Variants in CNTN5 observed in about 807,000 individuals in gnomAD.
CNTN5 encodes contactin-5.
CNTN5 carries 77 observed loss-of-function variants against 129.1 expected under a neutral mutation model. The observed-to-expected ratio is 0.60, with a 90% CI of 0.50 to 0.72. CNTN5 has a LOEUF of 0.72. CNTN5 is among the 30% of genes least tolerant of loss of function. The probability of loss-of-function intolerance (pLI) is 0.00; values close to 1 mark genes in which losing one functional copy is unlikely to be tolerated. For synonymous variants in CNTN5, 509 were observed against 465.6 expected (o/e 1.09, Z -1.20); for missense variants, 1,478 against 1,328.8 (o/e 1.11, Z -1.75).
chr11:100,337,507 AC>A, intron 21 of CNTN5: 1 of 740,852 alleles, frequency 1.3e-6, no homozygotes, highest in Non-Finnish European at 2.5e-6. Flanking sequence ...GATCTCAAGA[AC>A]CAGCTCAAAC....
intron 6 of CNTN5, among the ~76,000 whole-genome samples, chr11:99,888,225 A>G (rs753357512): frequency 3.9e-5 from 6 of 152,118 alleles, no homozygotes; most frequent in Admixed American, 6.5e-5. Context: ...TTACTCTTCT[A>G]TTTTCCTGAA....
At chr11:99,937,487 G>A (rs1231316383) in intron 7 of CNTN5, among the ~76,000 whole-genome samples, 1 of 152,202 alleles carries the variant, frequency 6.6e-6, no homozygotes, top group East Asian at 1.9e-4. Flanking sequence ...AGCACAGTCT[G>A]AATGCAGGCA....
intron 2 of CNTN5, among the ~76,000 whole-genome samples, chr11:99,543,198 A>G (rs1041409162): frequency 1.3e-5 from 2 of 152,320 alleles, no homozygotes; most frequent in African/African-American, 4.8e-5. Flanking sequence ...TCTGCATTCA[A>G]ACCTTGAAAT....
intron 7 of CNTN5, among the ~76,000 whole-genome samples, chr11:99,918,760 T>C (rs1442878177): frequency 6.6e-6 from 1 of 152,192 alleles, no homozygotes; most frequent in Admixed American, 6.6e-5. Flanking sequence ...TCAGCATCCC[T>C]GTTCTTCGTC....
chr11:99,415,625 G>C (rs2656220), intron 2 of CNTN5, among the ~76,000 whole-genome samples: 18,512 of 152,110 alleles, frequency 0.12, 1,231 homozygotes, highest in Non-Finnish European at 0.16. Flanking sequence ...GATTCTAGTT[G>C]TTTCTATGGC....
intron 9 of CNTN5, among the ~76,000 whole-genome samples, 165 bp downstream of exon 9, chr11:100,002,301 C>A (rs1022040417): frequency 6.6e-6 from 1 of 151,606 alleles, no homozygotes; most frequent in South Asian, 2.1e-4. Context: ...TAATCAGTTA[C>A]AGTTATCTTC....
At chr11:99,793,834 T>G (rs1021625883) in intron 3 of CNTN5, among the ~76,000 whole-genome samples, 3 of 152,210 alleles carry the variant, frequency 2.0e-5, no homozygotes, top group Non-Finnish European at 4.4e-5. Context: ...TTATGAATTA[T>G]TTTTGGTCCA....
At chr11:99,578,164 T>G (rs558499779) in intron 3 of CNTN5, among the ~76,000 whole-genome samples, 87 of 152,200 alleles carry the variant, frequency 5.7e-4, no homozygotes, top group African/African-American at 2.0e-3. Flanking sequence ...GAACTCATCC[T>G]TTTTCATGGC....
chr11:99,687,639 C>A (rs891128097), intron 3 of CNTN5, among the ~76,000 whole-genome samples: 16 of 152,074 alleles, frequency 1.1e-4, no homozygotes, highest in African/African-American at 3.9e-4. Context: ...CTTCCTTAGG[C>A]TTTATGAAAA....
chr11:99,457,532 T>A (rs1308540734), intron 2 of CNTN5, among the ~76,000 whole-genome samples: 1 of 151,756 alleles, frequency 6.6e-6, no homozygotes, highest in Non-Finnish European at 1.5e-5. Context: ...AAAAGAAGGA[T>A]AGAAAGGTAT....
chr11:100,293,170 T>C (rs1380157454), intron 18 of CNTN5, among the ~76,000 whole-genome samples: 3 of 151,876 alleles, frequency 2.0e-5, no homozygotes, highest in Non-Finnish European at 2.9e-5. Context: ...ATTCTTTGCA[T>C]TTAGTTCATT....
At chr11:100,106,345 T>G (rs1403643753) in intron 13 of CNTN5, among the ~76,000 whole-genome samples, 1 of 152,214 alleles carries the variant, frequency 6.6e-6, no homozygotes, top group East Asian at 1.9e-4. Flanking sequence ...TATCCAGGAA[T>G]AAAAGAAGAG....
At chr11:99,994,158 C>CA (rs1002113453) in intron 8 of CNTN5, among the ~76,000 whole-genome samples, 1 of 151,376 alleles carries the variant, frequency 6.6e-6, no homozygotes, top group Non-Finnish European at 1.5e-5. Flanking sequence ...TTTTTAACGA[C>CA]AATGGCAACA....
chr11:99,404,364 G>GTAAGGACC (rs1941975771), intron 2 of CNTN5, among the ~76,000 whole-genome samples: 1 of 151,652 alleles, frequency 6.6e-6, no homozygotes, highest in Non-Finnish European at 1.5e-5. Context: ...TGATAGGTAG[G>GTAAGGACC]TAAGGACCTA....
At chr11:99,382,780 G>A (rs1045022602) in intron 2 of CNTN5, among the ~76,000 whole-genome samples, 9 of 141,524 alleles carry the variant, frequency 6.4e-5, no homozygotes, top group African/African-American at 2.4e-4. Context: ...TCAGTAACAC[G>A]TGTTTCATTC....
chr11:99,216,207 C>T (rs4381338), intron 1 of CNTN5, among the ~76,000 whole-genome samples: 102,268 of 151,870 alleles, frequency 0.67, 34,950 homozygotes, highest in African/African-American at 0.79. Context: ...CTTCATAAGT[C>T]CAGTATTTTT....
At chr11:99,276,300 T>A (rs1863424997) in intron 1 of CNTN5, among the ~76,000 whole-genome samples, 1 of 151,654 alleles carries the variant, frequency 6.6e-6, no homozygotes, top group African/African-American at 2.4e-5. Context: ...ATATTTATTT[T>A]GATTCCCCAA....
chr11:100,055,028 T>TTAA (rs1565833367), intron 9 of CNTN5, among the ~76,000 whole-genome samples: 1 of 91,692 alleles, frequency 1.1e-5, no homozygotes, highest in Non-Finnish European at 2.2e-5. Context: ...AGCCGTAGCC[T>TTAA]AAAAAAAAAA....
chr11:99,771,738 A>C (rs1944953178), intron 3 of CNTN5, among the ~76,000 whole-genome samples: 1 of 152,000 alleles, frequency 6.6e-6, no homozygotes, highest in African/African-American at 2.4e-5. Context: ...ATGTCAAGTA[A>C]GGTTAATAAT....
Sources: gnomAD v4.1 joint callset for allele counts (sites outside exome capture counted in the v4.1 genomes callset) on GRCh38, gnomAD v4.1.1 for gene constraint, MANE v1.5 for transcripts, NCBI Gene and HGNC (gene_info 2026-07-23, HGNC 2026-07-21) for gene names.